Variants in EDRF1 observed in about 807,000 individuals in gnomAD.
EDRF1 encodes erythroid differentiation-related factor 1.
Under a neutral mutation model 148.7 loss-of-function variants are expected in EDRF1, and 69 were observed. That is an observed-to-expected ratio of 0.46 (90% CI 0.38 to 0.57). The LOEUF (loss-of-function observed/expected upper bound fraction) is 0.57, where lower values mean the gene tolerates loss of function less well. EDRF1 is among the 20% of genes least tolerant of loss of function. EDRF1 has a pLI of 0.00. For missense variants in EDRF1, 1,118 were observed against 1,478.7 expected (o/e 0.76, Z 4.00); for synonymous variants, 515 against 532.8 (o/e 0.97, Z 0.46).
Position 125,733,529 on chromosome 10 carries a change from A to T in EDRF1, c.1254A>T (p.Gly418=), listed in dbSNP as rs781065557. 4 of 1,600,038 alleles carry T rather than the reference A, an allele frequency of 2.5e-6. No individual in the cohort carries two copies. The highest frequency in any genetic ancestry group is 3.4e-6 in the Non-Finnish European group (4 of 1,167,338). ...SFLKSNCTKE[G]HTYWLFKASG... is the part of the protein sequence containing the mutation. ...TGAAATCTAATTGTACCAAAGAAGG[A>T]CATACCTATTGGCTCTTTAAAGGTA... The change falls in exon 10 of 25, where the codon GGA becomes GGT. Residue 418 remains glycine (G), a synonymous_variant. Transcript: ENST00000356792.
In EDRF1 at chr10:125,725,332, A is replaced by G; in HGVS notation, c.525A>G (p.Thr175=). 3 of 1,614,022 alleles carry G rather than the reference A, an allele frequency of 1.9e-6. No individual in the cohort carries two copies. The highest frequency in any genetic ancestry group is 2.5e-6 in the Non-Finnish European group (3 of 1,179,938). The change falls in exon 5 of 25, where the codon ACA becomes ACG. Residue 175 remains threonine (T), a synonymous_variant. Transcript: ENST00000356792. ...ATGTTATCCAGACTGGTGACTGGAC[A>G]TGGTTGAAAGAGTTTTATCAAAGAC... is the stretch of plus-strand genomic sequence containing the variant. ...FMRSSQTGDW[T]WLKEFYQRLI... is the part of the protein sequence containing the mutation.
chr10:125,763,265 G>T lies in EDRF1; in HGVS notation c.3546-36G>T. On this transcript the variant is annotated intron_variant, in intron 24 of 24. Coordinates refer to ENST00000356792, the MANE Select transcript of EDRF1 (RefSeq NM_001202438.2). This position sits in a 1 kb window ranked among gnomAD's most constrained non-coding sequence, Gnocchi z 4.3. Reference sequence around the variant, plus strand: ...TCTGAATTGTCGGTAGGCATTGCTGGTCCCTTACCTGTCTCTTTTTCTTTT... The same window carrying T: ...TCTGAATTGTCGGTAGGCATTGCTGTTCCCTTACCTGTCTCTTTTTCTTTT... 1 of 1,596,258 alleles carries T rather than the reference G, an allele frequency of 6.3e-7. No individual in the cohort carries two copies. Among genetic ancestry groups the T allele is most frequent in the East Asian group, 2.2e-5 (1 of 44,810 alleles).
intron 6 of EDRF1, among the ~76,000 whole-genome samples, chr10:125,728,688 A>G (rs1353877836): frequency 4.6e-5 from 7 of 152,218 alleles, no homozygotes; most frequent in Admixed American, 2.0e-4. Flanking sequence ...TTCAATATAG[A>G]TAGAGTAGGC....
In EDRF1 at chr10:125,721,356, A is replaced by G. The variant is rs1847991794; in HGVS notation, c.261A>G (p.Leu87=). ...PANWLRESAK[L]GPAGTTILGN... ...ACTGGTTACGAGAGAGTGCCAAACT[A>G]GGGCCAGCAGGAACTACCATTCTTG... Residue 87 remains leucine (L), a synonymous_variant, in exon 2 of 25, where the codon CTA becomes CTG. Transcript: ENST00000356792. The G allele has an allele frequency of 3.1e-6, 5 of 1,614,234 alleles. No homozygotes were observed. Among genetic ancestry groups the G allele is most frequent in the Non-Finnish European group, 4.2e-6 (5 of 1,180,048 alleles).
intron 24 of EDRF1, chr10:125,757,231 A>C (rs141270384): frequency 4.7e-6 from 1 of 211,378 alleles, no homozygotes; most frequent in African/African-American, 2.4e-5. Context: ...TTATTTCACT[A>C]TTGATTTATT....
chr10:125,748,052 T>C (rs752789225), intron 21 of EDRF1, 40 bp downstream of exon 21: 1 of 1,611,688 alleles, frequency 6.2e-7, no homozygotes, highest in Admixed American at 1.7e-5. Flanking sequence ...CACATCAGTT[T>C]AAAAGTGTTC....
In EDRF1 at chr10:125,740,989, C is replaced by A. The variant is rs200083781; in HGVS notation, c.2171-12C>A. The A allele has an allele frequency of 3.9e-5, 63 of 1,613,404 alleles. No homozygotes were observed. The highest frequency in any genetic ancestry group is 5.1e-5 in the Non-Finnish European group (60 of 1,179,710). On this transcript the variant is annotated splice_polypyrimidine_tract_variant and intron_variant, in intron 16 of 24. Coordinates refer to ENST00000356792, the MANE Select transcript of EDRF1 (RefSeq NM_001202438.2). ...ATTTGTGTTTTTTCTTCTTCCCTCC[C>A]TTTCTAAACAGATACTTATTGCTGC...
chr10:125,743,559 T>C (rs1433981491), intron 18 of EDRF1, among the ~76,000 whole-genome samples: 1 of 152,194 alleles, frequency 6.6e-6, no homozygotes, highest in Non-Finnish European at 1.5e-5. Flanking sequence ...ATGTTGGATA[T>C]GTAACTGGCT....
At chr10:125,725,276 CTA>C (rs1301853505) in intron 4 of EDRF1, 40 bp from the exon 5 acceptor site, 3 of 1,612,322 alleles carry the variant, frequency 1.9e-6, no homozygotes, top group Non-Finnish European at 2.5e-6. Context: ...ATTGTTTCGA[CTA>C]TGTGTGTTGT....
In EDRF1 at chr10:125,749,333, A is replaced by G. The variant is rs966532158; in HGVS notation, c.3124-79A>G. 6 of 1,542,832 alleles carry G rather than the reference A, an allele frequency of 3.9e-6. No homozygotes were observed. The African/African-American group carries it at 6.8e-5, about 18-fold the overall frequency. On this transcript the variant is annotated intron_variant, in intron 21 of 24. Coordinates refer to ENST00000356792, the MANE Select transcript of EDRF1 (RefSeq NM_001202438.2). ...GACCTAGTAAGACCCACAGTGGGGG[A>G]AAAATAACTAAGAAGCACTTAGTGA... is the stretch of plus-strand genomic sequence containing the variant.
chr10:125,728,888 C>A, intron 6 of EDRF1, 115 bp from the exon 7 acceptor site: 2 of 828,418 alleles, frequency 2.4e-6, no homozygotes, highest in Non-Finnish European at 1.8e-6. Context: ...CCTAATAATT[C>A]ACAATGGTAG....
intron 22 of EDRF1, among the ~76,000 whole-genome samples, chr10:125,750,256 C>G (rs1165508625): frequency 6.6e-6 from 1 of 152,086 alleles, no homozygotes; most frequent in Non-Finnish European, 1.5e-5. Flanking sequence ...TAGAACTGAC[C>G]CTTGGATTGT....
chr10:125,758,759 T>C (rs991126759), intron 24 of EDRF1, among the ~76,000 whole-genome samples: 2 of 152,192 alleles, frequency 1.3e-5, no homozygotes, highest in Non-Finnish European at 2.9e-5. Context: ...CCACTGTCAC[T>C]GGTCCTTCGG....
intron 24 of EDRF1, among the ~76,000 whole-genome samples, chr10:125,758,867 G>C (rs1850053218): frequency 6.6e-6 from 1 of 152,104 alleles, no homozygotes; most frequent in Non-Finnish European, 1.5e-5. Flanking sequence ...CTGAGTCTCA[G>C]GACTGTGGCC....
intron 19 of EDRF1, chr10:125,747,096 G>T (rs1023998563): frequency 6.3e-6 from 1 of 159,330 alleles, no homozygotes; most frequent in African/African-American, 2.4e-5. Context: ...TTTTGTTTTT[G>T]GTTTCAATAT....
intron 4 of EDRF1, among the ~76,000 whole-genome samples, chr10:125,724,370 A>G (rs779271646): frequency 1.9e-4 from 29 of 152,350 alleles, no homozygotes; most frequent in East Asian, 9.6e-4. Flanking sequence ...TCAGCGATGG[A>G]CTGCATATAC....
chr10:125,730,446 CAG>C, intron 9 of EDRF1, 47 bp downstream of exon 9: 1 of 1,473,628 alleles, frequency 6.8e-7, no homozygotes, highest in Non-Finnish European at 9.5e-7. Context: ...CAAATTGGTA[CAG>C]AGAGTTCCTC....
chr10:125,749,852 T>C (rs749766588), intron 22 of EDRF1: 22 of 397,282 alleles, frequency 5.5e-5, no homozygotes, highest in Non-Finnish European at 9.5e-5. Flanking sequence ...AGTTAAAGAA[T>C]TCAATCGGCC....
At chr10:125,743,037 G>A (rs768332732) in intron 17 of EDRF1, 21 bp from the exon 18 acceptor site, 3 of 1,611,832 alleles carry the variant, frequency 1.9e-6, no homozygotes, top group African/African-American at 1.3e-5. Context: ...TCGCATTGAT[G>A]TATCCCTTTT....
Sources: gnomAD v4.1 joint callset for allele counts (sites outside exome capture counted in the v4.1 genomes callset) on GRCh38, gnomAD v4.1.1 for gene constraint, Gnocchi (gnomAD v3.1) non-coding constraint, MANE v1.5 for transcripts, NCBI Gene and HGNC (gene_info 2026-07-23, HGNC 2026-07-21) for gene names.